SCPPPQ1: variants seen among roughly 807,000 people sequenced by gnomAD.
The protein encoded by SCPPPQ1 is secretory calcium-binding phosphoprotein proline-glutamine rich 1.
the SCPPPQ1 span, among the ~76,000 whole-genome samples, chr4:87,463,368 A>G: frequency 2.0e-5 from 3 of 152,042 alleles, 1 homozygote; most frequent in South Asian, 2.1e-4. Flanking sequence ...TCTTTAGTCT[A>G]TTAAGTAAAT....
chr4:87,470,138 T>G, the SCPPPQ1 span, among the ~76,000 whole-genome samples: 1 of 151,848 alleles, frequency 6.6e-6, no homozygotes, highest in Admixed American at 6.6e-5. Flanking sequence ...AAAATTTTCT[T>G]AGAGATGGGG....
At chr4:87,469,785 A>T in the SCPPPQ1 span, among the ~76,000 whole-genome samples, 1 of 152,164 alleles carries the variant, frequency 6.6e-6, no homozygotes, top group Admixed American at 6.5e-5. Flanking sequence ...TTGTAAGCCT[A>T]CAAGAGTGTT....
the SCPPPQ1 span, among the ~76,000 whole-genome samples, chr4:87,466,632 T>A: frequency 1.3e-5 from 2 of 152,174 alleles, no homozygotes; most frequent in Admixed American, 6.5e-5. Context: ...AGGGAAGGTG[T>A]TTATTAAATT....
chr4:87,469,171 G>T, the SCPPPQ1 span, among the ~76,000 whole-genome samples: 1 of 152,126 alleles, frequency 6.6e-6, no homozygotes, highest in Admixed American at 6.6e-5. Context: ...TGGGGCAAGG[G>T]CATTACAAAT....
At chr4:87,470,953 G>A in the SCPPPQ1 span, among the ~76,000 whole-genome samples, 1 of 151,936 alleles carries the variant, frequency 6.6e-6, no homozygotes, top group African/African-American at 2.4e-5. Context: ...ACAAGAATAT[G>A]TTACATTCTT....
chr4:87,461,862 ATAT>A, the SCPPPQ1 span: 36 of 152,164 alleles, frequency 2.4e-4, no homozygotes, highest in African/African-American at 7.0e-4. Flanking sequence ...TATTTTCATC[ATAT>A]TATTAATTTA....
At chr4:87,466,814 C>T in the SCPPPQ1 span, among the ~76,000 whole-genome samples, 73 of 152,028 alleles carry the variant, frequency 4.8e-4, no homozygotes, top group African/African-American at 1.6e-3. Flanking sequence ...TCACTTGAGC[C>T]CAGGAGTTTG....
chr4:87,464,475 G>T, the SCPPPQ1 span, among the ~76,000 whole-genome samples: 3 of 151,912 alleles, frequency 2.0e-5, no homozygotes, highest in African/African-American at 4.8e-5. Flanking sequence ...TATGATTATT[G>T]GGTTTGAAAA....
the SCPPPQ1 span, among the ~76,000 whole-genome samples, chr4:87,465,559 C>CAAAAAAAAAAAAAAA: frequency 4.1e-5 from 4 of 98,310 alleles, no homozygotes; most frequent in Admixed American, 1.1e-4. Flanking sequence ...TAGAAATCTA[C>CAAAAAAAAAAAAAAA]AAAAAAAAAA....
chr4:87,467,628 G>C, the SCPPPQ1 span, among the ~76,000 whole-genome samples: 1 of 152,326 alleles, frequency 6.6e-6, no homozygotes, highest in Admixed American at 6.5e-5. Flanking sequence ...GATTTGGAGG[G>C]AAATTTGCTA....
chr4:87,464,926 G>A, the SCPPPQ1 span, among the ~76,000 whole-genome samples: 6 of 152,200 alleles, frequency 3.9e-5, no homozygotes, highest in Non-Finnish European at 4.4e-5. Flanking sequence ...TACTGAATCC[G>A]CCTCATCTTA....
At chr4:87,464,033 T>C in the SCPPPQ1 span, among the ~76,000 whole-genome samples, 1 of 152,190 alleles carries the variant, frequency 6.6e-6, no homozygotes, top group Non-Finnish European at 1.5e-5. Context: ...CTGTGACAGA[T>C]CTTAGGCACG....
chr4:87,464,823 G>T, the SCPPPQ1 span, among the ~76,000 whole-genome samples: 1 of 152,150 alleles, frequency 6.6e-6, no homozygotes, highest in Non-Finnish European at 1.5e-5. Context: ...GACAGAGCGA[G>T]ACTCAGTCTC....
the SCPPPQ1 span, among the ~76,000 whole-genome samples, chr4:87,465,625 C>G: frequency 6.9e-6 from 1 of 145,120 alleles, no homozygotes; most frequent in African/African-American, 2.6e-5. Flanking sequence ...CTCTCTCTTG[C>G]TTTTTCTCAT....
chr4:87,462,119 A>G, the SCPPPQ1 span: 1 of 152,184 alleles, frequency 6.6e-6, no homozygotes, highest in Non-Finnish European at 1.5e-5. Flanking sequence ...TGATGTGTTA[A>G]TATTGGTATA....
At chr4:87,463,326 AAAAC>A in the SCPPPQ1 span, among the ~76,000 whole-genome samples, 1 of 142,138 alleles carries the variant, frequency 7.0e-6, no homozygotes, top group African/African-American at 2.6e-5. Flanking sequence ...GTTAAAAAAA[AAAAC>A]AACAAAAAAA....
chr4:87,470,161 G>GC, the SCPPPQ1 span, among the ~76,000 whole-genome samples: 4 of 151,542 alleles, frequency 2.6e-5, no homozygotes, highest in African/African-American at 9.8e-5. Context: ...TTGCTATGTT[G>GC]CCCCCCTGTT....
the SCPPPQ1 span, among the ~76,000 whole-genome samples, chr4:87,466,840 A>G: frequency 1.3e-5 from 2 of 152,164 alleles, no homozygotes. Flanking sequence ...AGCCTGGGTG[A>G]CATAGTGAGG....
the SCPPPQ1 span, among the ~76,000 whole-genome samples, chr4:87,468,169 A>C: frequency 6.6e-6 from 1 of 152,262 alleles, no homozygotes; most frequent in African/African-American, 2.4e-5. Flanking sequence ...AAGCAGTTGG[A>C]TATCTAATAG....
Sources: allele counts gnomAD v4.1 joint callset (sites outside exome capture counted in the v4.1 genomes callset), GRCh38; gene constraint gnomAD v4.1.1; transcripts MANE v1.5; gene names NCBI Gene and HGNC (gene_info 2026-07-23, HGNC 2026-07-21).